DTD1: variants seen among roughly 807,000 people sequenced by gnomAD.
The protein encoded by DTD1 is D-aminoacyl-tRNA deacylase 1.
In DTD1, 13 loss-of-function variants were observed where a neutral mutation model predicts 25.6. That is an observed-to-expected ratio of 0.51 (90% CI 0.33 to 0.81). The LOEUF (loss-of-function observed/expected upper bound fraction) is 0.81, where lower values mean the gene tolerates loss of function less well. DTD1 is among the 30% of genes least tolerant of loss of function. DTD1 has a pLI of 0.02. For synonymous variants in DTD1, 110 were observed against 103.6 expected (o/e 1.06, Z -0.37); for missense variants, 193 against 266.4 (o/e 0.72, Z 1.92).
chr20:18,716,192 A>G lies in DTD1; in HGVS notation c.478-27908A>G, dbSNP rs112082350. On this transcript the variant is annotated intron_variant, in intron 4 of 5. Coordinates refer to ENST00000377452, the MANE Select transcript of DTD1 (RefSeq NM_080820.6). ...GTGGTTTGTTTCACACACTTCCTCC[A>G]AATATTGGTTCAGGATCTGAACCTT... Among the ~76,000 whole-genome samples, 584 of 152,354 alleles carry G rather than the reference A, an allele frequency of 3.8e-3. 2 individuals carry two copies. Among genetic ancestry groups the G allele is most frequent in the African/African-American group, 0.013 (553 of 41,578 alleles).
At chr20:18,607,443 G>A (rs1051270834) in intron 3 of DTD1, among the ~76,000 whole-genome samples, 3 of 152,168 alleles carry the variant, frequency 2.0e-5, no homozygotes, top group Admixed American at 6.5e-5. Flanking sequence ...ACAGGCATGA[G>A]CCACTGCGCC....
intron 4 of DTD1, among the ~76,000 whole-genome samples, chr20:18,741,430 G>C (rs1259170567): frequency 1.3e-5 from 2 of 152,184 alleles, no homozygotes; most frequent in African/African-American, 4.8e-5. Context: ...TGCATTTTGT[G>C]GAGTGCACTG....
rs9753681 is a variant in DTD1 at position 18,757,642 on chromosome 20, A to C, written c.*20-5718A>C. Among the ~76,000 whole-genome samples the C allele has an allele frequency of 5.4e-3, 828 of 152,252 alleles. 5 individuals carry two copies. Among genetic ancestry groups the C allele is most frequent in the African/African-American group, 0.019 (789 of 41,548 alleles). On this transcript the variant is annotated intron_variant, in intron 5 of 5. Coordinates refer to ENST00000377452, the MANE Select transcript of DTD1 (RefSeq NM_080820.6). ...GAAGCCCACTTGATCGTGGTGGATA[A>C]GTTTTTGATGTGCTGCTGGATTTGG...
intron 2 of DTD1, among the ~76,000 whole-genome samples, chr20:18,595,395 T>C (rs1342569737): frequency 1.3e-5 from 2 of 151,964 alleles, no homozygotes; most frequent in Admixed American, 6.6e-5. Context: ...GCCTCCTGAG[T>C]AGCTGGGATT....
chr20:18,672,101 G>C (rs2060953058), intron 4 of DTD1, among the ~76,000 whole-genome samples: 1 of 152,136 alleles, frequency 6.6e-6, no homozygotes, highest in Non-Finnish European at 1.5e-5. Flanking sequence ...AGGTATGGTG[G>C]TGCATGCCTG....
chr20:18,705,534 C>G (rs968819890), intron 4 of DTD1, among the ~76,000 whole-genome samples: 3 of 152,166 alleles, frequency 2.0e-5, no homozygotes, highest in Non-Finnish European at 4.4e-5. Context: ...GTTCAGGTAC[C>G]ATGGTAGCTG....
intron 4 of DTD1, among the ~76,000 whole-genome samples, chr20:18,732,955 C>T (rs563571982): frequency 1.2e-4 from 19 of 152,166 alleles, no homozygotes; most frequent in African/African-American, 2.2e-4. Context: ...TTACACATAA[C>T]GAATTCTCAT....
Position 18,721,571 on chromosome 20 carries a change from A to G in DTD1, c.478-22529A>G, listed in dbSNP as rs562660989. ...GAATTAATATTATCCTCATAAAATT[A>G]ATGAGTTGGGAGGATCTCTTTCTTT... On this transcript the variant is annotated intron_variant, in intron 4 of 5. Coordinates refer to ENST00000377452, the MANE Select transcript of DTD1 (RefSeq NM_080820.6). Among the ~76,000 whole-genome samples, 25 of 152,336 alleles carry G rather than the reference A, an allele frequency of 1.6e-4. No homozygotes were observed. In the South Asian group the frequency reaches 4.8e-3, roughly 29 times the overall value.
intron 4 of DTD1, among the ~76,000 whole-genome samples, chr20:18,638,043 C>T (rs2060814000): frequency 6.6e-6 from 1 of 152,180 alleles, no homozygotes; most frequent in South Asian, 2.1e-4. Flanking sequence ...CTTTGGCTCC[C>T]CATCACGTGG....
intron 4 of DTD1, among the ~76,000 whole-genome samples, chr20:18,671,088 G>T (rs1473362110): frequency 6.6e-6 from 1 of 152,116 alleles, no homozygotes; most frequent in Non-Finnish European, 1.5e-5. Context: ...CCTGGAATCT[G>T]CAGTCTGTGG....
At chr20:18,682,794 G>T (rs535585029) in intron 4 of DTD1, among the ~76,000 whole-genome samples, 2 of 152,206 alleles carry the variant, frequency 1.3e-5, no homozygotes, top group Non-Finnish European at 2.9e-5. Flanking sequence ...CTGGAAGAAG[G>T]TTCTTATGGG....
intron 3 of DTD1, among the ~76,000 whole-genome samples, chr20:18,626,494 G>A (rs1158211267): frequency 1.3e-5 from 2 of 152,214 alleles, no homozygotes; most frequent in Non-Finnish European, 2.9e-5. Context: ...GCTCTGGGTA[G>A]AAAGAAAGCT....
chr20:18,725,326 T>A (rs2061219348), intron 4 of DTD1, among the ~76,000 whole-genome samples: 1 of 152,218 alleles, frequency 6.6e-6, no homozygotes, highest in South Asian at 2.1e-4. Flanking sequence ...GGAAAGCTGC[T>A]TCCACCTGAA....
intron 4 of DTD1, chr20:18,675,434 T>G (rs187188504): frequency 2.6e-5 from 4 of 152,334 alleles, no homozygotes; most frequent in African/African-American, 9.6e-5. Context: ...GTCATCCCTT[T>G]GTATGGCTGG....
chr20:18,711,563 C>T (rs1057137503), intron 4 of DTD1, among the ~76,000 whole-genome samples: 4 of 151,844 alleles, frequency 2.6e-5, no homozygotes, highest in African/African-American at 9.7e-5. Flanking sequence ...AAATTTGGTT[C>T]CTGTTGGCCC....
At chr20:18,705,834 A>G (rs1253598497) in intron 4 of DTD1, among the ~76,000 whole-genome samples, 1 of 152,232 alleles carries the variant, frequency 6.6e-6, no homozygotes, top group East Asian at 1.9e-4. Flanking sequence ...CTTGTAGCCC[A>G]ATGTATTCTA....
At position 18,660,151 on chromosome 20, in the gene DTD1, G is replaced by A. The variant is rs992479526; in HGVS notation, c.477+31918G>A. 3.3e-4 allele frequency among the ~76,000 whole-genome samples: 50 copies of A among 152,248 alleles called. 1 individual carries two copies. The highest frequency in any genetic ancestry group is 1.2e-3 in the African/African-American group (50 of 41,566). ...TACTCGGGAGGGTGGAGGTTGCAGT[G>A]AGCTGAGATTGCACCACTGCACTCC... is the stretch of plus-strand genomic sequence containing the variant. On this transcript the variant is annotated intron_variant, in intron 4 of 5. Coordinates refer to ENST00000377452, the MANE Select transcript of DTD1 (RefSeq NM_080820.6).
chr20:18,628,218 C>G lies in DTD1; in HGVS notation c.462C>G (p.Thr154=), dbSNP rs773380232. Reference sequence around the variant, plus strand: ...AATCGCCAGCTCCCGGCACTGCTACCTCTGACCCAAAGCAGGTAAGCCTGG... The same window carrying G: ...AATCGCCAGCTCCCGGCACTGCTACGTCTGACCCAAAGCAGGTAAGCCTGG... ...ELESPAPGTA[T]SDPKQLSKLE... is the part of the protein sequence containing the mutation. Residue 154 remains threonine, a synonymous_variant, in exon 4 of 6, where the codon ACC becomes ACG. Transcript: ENST00000377452. The G allele has an allele frequency of 1.9e-6, 3 of 1,613,482 alleles. No individual in the cohort carries two copies. The highest frequency in any genetic ancestry group is 2.5e-6 in the Non-Finnish European group (3 of 1,179,552).
At chr20:18,735,342 C>A (rs866992957) in intron 4 of DTD1, among the ~76,000 whole-genome samples, 1 of 152,208 alleles carries the variant, frequency 6.6e-6, no homozygotes, top group African/African-American at 2.4e-5. Flanking sequence ...CTGTCCTGGA[C>A]CTGTGGCAGT....
Sources: gnomAD v4.1 joint callset for allele counts (sites outside exome capture counted in the v4.1 genomes callset) on GRCh38, gnomAD v4.1.1 for gene constraint, MANE v1.5 for transcripts, NCBI Gene and HGNC (gene_info 2026-07-23, HGNC 2026-07-21) for gene names.